The following SAXO4 variants were observed in gnomAD, a reference collection of about 807,000 sequenced individuals.
The protein encoded by SAXO4 is protein phosphatase 1 regulatory subunit 32.
the SAXO4 span, chr11:61,489,392 A>AC: frequency 2.1e-6 from 1 of 472,404 alleles, no homozygotes; most frequent in South Asian, 3.6e-5. Context: ...CAAGGGTGGG[A>AC]CCCCCTTCTT....
At chr11:61,488,613 A>G in the SAXO4 span, among the ~76,000 whole-genome samples, 1 of 152,096 alleles carries the variant, frequency 6.6e-6, no homozygotes, top group African/African-American at 2.4e-5. Flanking sequence ...TTTCCTCACA[A>G]CATCAGTCAC....
chr11:61,490,045 A>T, the SAXO4 span: 1 of 1,244,844 alleles, frequency 8.0e-7, no homozygotes, highest in South Asian at 1.5e-5. Flanking sequence ...AGTCCGGTTC[A>T]TTCCTATGAG....
the SAXO4 span, chr11:61,482,345 C>T: frequency 1.5e-5 from 24 of 1,614,072 alleles, no homozygotes; most frequent in Non-Finnish European, 1.9e-5. Context: ...TGGGCAGTCA[C>T]GTAGGCACCG....
At chr11:61,482,630 G>C in the SAXO4 span, 9 of 1,613,698 alleles carry the variant, frequency 5.6e-6, no homozygotes, top group South Asian at 9.9e-5. Context: ...GGCGGCCTGG[G>C]GTTCTAGCTC....
the SAXO4 span, chr11:61,485,795 G>C: frequency 6.2e-7 from 1 of 1,612,538 alleles, no homozygotes; most frequent in Non-Finnish European, 8.5e-7. Context: ...CATTTCTTTT[G>C]CAGATTTCTT....
At chr11:61,481,766 C>T in the SAXO4 span, 12 of 1,185,222 alleles carry the variant, frequency 1.0e-5, no homozygotes, top group African/African-American at 4.8e-5. Flanking sequence ...TGAGGCTCCC[C>T]GTGCTTCCTT....
At chr11:61,481,592 T>A in the SAXO4 span, among the ~76,000 whole-genome samples, 1 of 152,170 alleles carries the variant, frequency 6.6e-6, no homozygotes, top group African/African-American at 2.4e-5. Flanking sequence ...AGAGGAGACA[T>A]GAGGACTCTT....
chr11:61,484,737 C>T, the SAXO4 span: 25 of 1,613,468 alleles, frequency 1.5e-5, 1 homozygote, highest in South Asian at 1.6e-4. Context: ...CAGGCCATCA[C>T]GGGGCTGGAG....
the SAXO4 span, chr11:61,486,466 G>C: frequency 1.2e-6 from 2 of 1,613,044 alleles, no homozygotes; most frequent in South Asian, 1.1e-5. Context: ...CATGGCTCTG[G>C]AAGGTGGTGG....
the SAXO4 span, among the ~76,000 whole-genome samples, chr11:61,481,565 G>A: frequency 2.0e-5 from 3 of 152,250 alleles, no homozygotes; most frequent in African/African-American, 7.2e-5. Context: ...GAGTTAATAA[G>A]AAGGTGTGGG....
the SAXO4 span, chr11:61,482,428 G>C: frequency 3.7e-6 from 6 of 1,613,096 alleles, no homozygotes; most frequent in Non-Finnish European, 5.1e-6. Context: ...CCGGCCAGGG[G>C]GTACGGTCTG....
the SAXO4 span, chr11:61,486,883 T>A: frequency 2.1e-5 from 29 of 1,365,114 alleles, no homozygotes; most frequent in Non-Finnish European, 2.8e-5. Context: ...CCTGCTCCCC[T>A]CTCCATCCCT....
chr11:61,489,864 G>A, the SAXO4 span: 13 of 1,613,814 alleles, frequency 8.1e-6, no homozygotes, highest in African/African-American at 2.7e-5. Context: ...AGGAGGCTAC[G>A]CCCTCAGCCA....
At chr11:61,481,391 A>G in the SAXO4 span, among the ~76,000 whole-genome samples, 1 of 152,058 alleles carries the variant, frequency 6.6e-6, no homozygotes. Context: ...TTCCCCAGGT[A>G]GTGGGTTGTC....
At chr11:61,485,335 C>A in the SAXO4 span, 2 of 1,613,860 alleles carry the variant, frequency 1.2e-6, no homozygotes, top group Admixed American at 3.3e-5. Context: ...CTCTCTGTTC[C>A]AGGGCCCACG....
chr11:61,487,545 C>CA, the SAXO4 span, among the ~76,000 whole-genome samples: 1 of 152,308 alleles, frequency 6.6e-6, no homozygotes, highest in East Asian at 1.9e-4. Context: ...CTACCCCAGT[C>CA]AAAGGTGAGA....
At chr11:61,483,413 G>A in the SAXO4 span, among the ~76,000 whole-genome samples, 6 of 151,792 alleles carry the variant, frequency 4.0e-5, no homozygotes, top group East Asian at 3.9e-4. Flanking sequence ...TGATCTGCCC[G>A]CCTCAGCCTC....
chr11:61,488,640 T>C, the SAXO4 span, among the ~76,000 whole-genome samples: 1 of 152,170 alleles, frequency 6.6e-6, no homozygotes, highest in Admixed American at 6.5e-5. Context: ...CCACCCTGCT[T>C]CCTCTCCAAC....
the SAXO4 span, chr11:61,489,314 G>A: frequency 1.7e-4 from 39 of 223,698 alleles, no homozygotes; most frequent in African/African-American, 2.9e-4. Flanking sequence ...TTCCTGGTGC[G>A]CGCAGAGCCC....
Sources: gnomAD v4.1 joint callset for allele counts (sites outside exome capture counted in the v4.1 genomes callset) on GRCh38, gnomAD v4.1.1 for gene constraint, MANE v1.5 for transcripts, NCBI Gene and HGNC (gene_info 2026-07-23, HGNC 2026-07-21) for gene names.